SAMD5: variants seen among roughly 807,000 people sequenced by gnomAD.
The protein encoded by SAMD5 is sterile alpha motif domain-containing protein 5.
SAMD5 carries 13 observed loss-of-function variants against 11.3 expected under a neutral mutation model. The observed-to-expected ratio is 1.15, with a 90% CI of 0.75 to 1.83. SAMD5 has a LOEUF of 1.83. Ranked by LOEUF, SAMD5 falls within the 40% of genes most tolerant of loss-of-function variation. The probability of loss-of-function intolerance (pLI) is 0.00; values close to 1 mark genes in which losing one functional copy is unlikely to be tolerated. For missense variants in SAMD5, 255 were observed against 239.1 expected, an observed-to-expected ratio of 1.07 and a Z score of -0.44; for synonymous variants, 129 against 111.3, an observed-to-expected ratio of 1.16 and a Z score of -1.00.
intron 1 of SAMD5, among the ~76,000 whole-genome samples, chr6:147,698,654 C>T (rs1168695564): frequency 6.6e-6 from 1 of 152,184 alleles, no homozygotes; most frequent in Non-Finnish European, 1.5e-5. Context: ...TCTACCATGT[C>T]CCCAGCAGAC....
At chr6:147,923,481 T>G in the SAMD5 span, among the ~76,000 whole-genome samples, 1 of 152,320 alleles carries the variant, frequency 6.6e-6, no homozygotes, top group Non-Finnish European at 1.5e-5. Flanking sequence ...TTAGATGAAT[T>G]TTTTTAATGC....
chr6:147,594,766 G>A (rs1186990156), intron 1 of SAMD5, among the ~76,000 whole-genome samples: 1 of 152,100 alleles, frequency 6.6e-6, no homozygotes, highest in African/African-American at 2.4e-5. Flanking sequence ...TCAGAAATTT[G>A]GCCATATGAA....
At chr6:147,778,956 G>C in the SAMD5 span, among the ~76,000 whole-genome samples, 1 of 150,072 alleles carries the variant, frequency 6.7e-6, no homozygotes, top group African/African-American at 2.5e-5. Context: ...CTAAAAACAG[G>C]AAGCCCGCTT....
the SAMD5 span, among the ~76,000 whole-genome samples, chr6:147,761,533 T>C: frequency 1.3e-5 from 2 of 152,098 alleles, no homozygotes; most frequent in Non-Finnish European, 2.9e-5. Context: ...AAGTTAATTA[T>C]AATGTAATTA....
the SAMD5 span, among the ~76,000 whole-genome samples, chr6:147,838,554 T>A: frequency 6.7e-4 from 92 of 136,794 alleles, no homozygotes; most frequent in Non-Finnish European, 1.3e-4. Context: ...AGTTATTGTT[T>A]ATATATTATC....
At chr6:147,648,988 G>T (rs929367754) in intron 1 of SAMD5, among the ~76,000 whole-genome samples, 9 of 152,164 alleles carry the variant, frequency 5.9e-5, no homozygotes, top group African/African-American at 2.2e-4. Flanking sequence ...AGAATTAATC[G>T]TGGAAGTGCA....
chr6:147,638,892 A>C (rs1368216771), intron 1 of SAMD5, among the ~76,000 whole-genome samples: 1 of 152,216 alleles, frequency 6.6e-6, no homozygotes, highest in Non-Finnish European at 1.5e-5. Context: ...TCTTTACTAG[A>C]TAATGACTTA....
chr6:147,825,764 T>A, the SAMD5 span, among the ~76,000 whole-genome samples: 2 of 152,242 alleles, frequency 1.3e-5, no homozygotes, highest in African/African-American at 2.4e-5. Flanking sequence ...CTTGTGAATT[T>A]AATGAAAGAA....
chr6:147,663,722 G>A (rs1382182380), intron 1 of SAMD5, among the ~76,000 whole-genome samples: 4 of 149,558 alleles, frequency 2.7e-5, no homozygotes, highest in Non-Finnish European at 5.9e-5. Flanking sequence ...AACCCGGGGG[G>A]CAGAGGTTGC....
At chr6:147,808,845 G>A in the SAMD5 span, among the ~76,000 whole-genome samples, 223 of 152,136 alleles carry the variant, frequency 1.5e-3, no homozygotes, top group African/African-American at 5.2e-3. Flanking sequence ...GGATATGAGG[G>A]CAGCGAGGCA....
intron 1 of SAMD5, among the ~76,000 whole-genome samples, chr6:147,534,535 A>G (rs1302202814): frequency 1.3e-5 from 2 of 152,198 alleles, no homozygotes; most frequent in Non-Finnish European, 2.9e-5. Context: ...TACTCAAGTC[A>G]GTCTCCCCGA....
At chr6:147,646,694 C>A (rs1284040611) in intron 1 of SAMD5, among the ~76,000 whole-genome samples, 1 of 152,090 alleles carries the variant, frequency 6.6e-6, no homozygotes, top group Non-Finnish European at 1.5e-5. Context: ...TTAGAAAAAA[C>A]TGCATTTCTT....
the SAMD5 span, among the ~76,000 whole-genome samples, chr6:147,777,027 T>C: frequency 6.6e-6 from 1 of 152,204 alleles, no homozygotes; most frequent in African/African-American, 2.4e-5. Context: ...GATTGATTAG[T>C]TTCCATCAGC....
chr6:147,769,600 G>T, the SAMD5 span, among the ~76,000 whole-genome samples: 2 of 152,142 alleles, frequency 1.3e-5, no homozygotes, highest in African/African-American at 4.8e-5. Context: ...TTGCTAAATG[G>T]CAGCGTCTTC....
chr6:147,863,688 T>C, the SAMD5 span, among the ~76,000 whole-genome samples: 1 of 151,994 alleles, frequency 6.6e-6, no homozygotes, highest in Non-Finnish European at 1.5e-5. Context: ...ACCCAAGGTC[T>C]GACCTTTCAC....
the SAMD5 span, among the ~76,000 whole-genome samples, chr6:147,925,591 CATA>C: frequency 6.1e-5 from 9 of 148,134 alleles, no homozygotes; most frequent in Non-Finnish European, 1.2e-4. Flanking sequence ...TTAATAGTTA[CATA>C]ATATTAAGGG....
intron 1 of SAMD5, among the ~76,000 whole-genome samples, chr6:147,591,239 G>A (rs1374948899): frequency 6.6e-6 from 1 of 152,060 alleles, no homozygotes; most frequent in Non-Finnish European, 1.5e-5. Flanking sequence ...ATATTGATAA[G>A]AAAAGCACTT....
At chr6:147,933,793 A>G in the SAMD5 span, among the ~76,000 whole-genome samples, 1 of 152,218 alleles carries the variant, frequency 6.6e-6, no homozygotes, top group South Asian at 2.1e-4. Flanking sequence ...TACAAAGCAG[A>G]GAAAATGCAT....
At chr6:147,919,192 A>C in the SAMD5 span, among the ~76,000 whole-genome samples, 1 of 152,204 alleles carries the variant, frequency 6.6e-6, no homozygotes. Context: ...AAGGCATAGC[A>C]CTTTAAGAAG....
Sources: allele counts gnomAD v4.1 joint callset (sites outside exome capture counted in the v4.1 genomes callset), GRCh38; gene constraint gnomAD v4.1.1; transcripts MANE v1.5; gene names NCBI Gene and HGNC (gene_info 2026-07-23, HGNC 2026-07-21).